The following GALNT13 variants were observed in gnomAD, a reference collection of about 807,000 sequenced individuals.
GALNT13 encodes UDP-GalNAc:polypeptide N-acetylgalactosaminyltransferase 13.
A neutral mutation model predicts 64.2 loss-of-function variants in GALNT13; 28 were observed. The observed-to-expected ratio is 0.44, with a 90% CI of 0.32 to 0.60. The LOEUF is 0.60. GALNT13 is among the 20% of genes least tolerant of loss of function. The pLI, the probability that GALNT13 is intolerant of heterozygous loss-of-function variation, is 0.05. For missense variants in GALNT13, 577 were observed against 669.8 expected, an observed-to-expected ratio of 0.86 and a Z score of 1.53; for synonymous variants, 214 against 224.6, an observed-to-expected ratio of 0.95 and a Z score of 0.42.
intron 3 of GALNT13, among the ~76,000 whole-genome samples, chr2:153,966,769 A>G (rs950096013): frequency 2.0e-5 from 3 of 151,322 alleles, no homozygotes; most frequent in East Asian, 1.9e-4. Context: ...TTGTTGTTCT[A>G]CCTGGTTATT....
At chr2:153,242,978 C>A in the GALNT13 span, among the ~76,000 whole-genome samples, 1 of 152,094 alleles carries the variant, frequency 6.6e-6, no homozygotes, top group Non-Finnish European at 1.5e-5. Context: ...AATTACTTTG[C>A]GTTATGGGAG....
At chr2:153,315,778 A>G in the GALNT13 span, among the ~76,000 whole-genome samples, 1 of 152,212 alleles carries the variant, frequency 6.6e-6, no homozygotes, top group Non-Finnish European at 1.5e-5. Flanking sequence ...AAGATTGGTC[A>G]TAAAACAAGT....
At chr2:153,902,992 T>C (rs1329577281) in intron 2 of GALNT13, among the ~76,000 whole-genome samples, 3 of 152,038 alleles carry the variant, frequency 2.0e-5, no homozygotes, top group African/African-American at 7.2e-5. Context: ...TTGCCAATAA[T>C]CAGAGAAACA....
intron 3 of GALNT13, among the ~76,000 whole-genome samples, chr2:153,996,084 T>A (rs759410077): frequency 2.6e-5 from 4 of 152,168 alleles, no homozygotes; most frequent in Admixed American, 1.3e-4. Flanking sequence ...GGTTGATGGA[T>A]GCTTAAATTG....
At chr2:153,337,868 T>C in the GALNT13 span, 1 of 152,158 alleles carries the variant, frequency 6.6e-6, no homozygotes, top group Admixed American at 6.5e-5. Context: ...TCTAATCTAA[T>C]AAAATAATTA....
chr2:153,562,098 GTGTGTGTGGTGTA>G, the GALNT13 span, among the ~76,000 whole-genome samples: 1 of 136,856 alleles, frequency 7.3e-6, no homozygotes, highest in Non-Finnish European at 1.6e-5. Flanking sequence ...GTGTGTGTGT[GTGTGTGTGGTGTA>G]GGCATGTGGG....
chr2:154,199,563 A>G (rs982768417), intron 4 of GALNT13, among the ~76,000 whole-genome samples: 2 of 152,016 alleles, frequency 1.3e-5, no homozygotes, highest in Non-Finnish European at 2.9e-5. Flanking sequence ...TACTTCCAAG[A>G]CAAGGTGGTT....
chr2:153,613,069 A>T, the GALNT13 span, among the ~76,000 whole-genome samples: 2 of 152,098 alleles, frequency 1.3e-5, no homozygotes, highest in Non-Finnish European at 2.9e-5. Flanking sequence ...TAAATTCCTC[A>T]TTATTCATGT....
intron 3 of GALNT13, among the ~76,000 whole-genome samples, chr2:154,033,463 A>C (rs1221956725): frequency 6.6e-6 from 1 of 152,074 alleles, no homozygotes; most frequent in Admixed American, 6.6e-5. Context: ...CATACAACTC[A>C]ATAATAATTA....
the GALNT13 span, among the ~76,000 whole-genome samples, chr2:153,686,849 AATGG>A: frequency 6.6e-6 from 1 of 152,088 alleles, no homozygotes. Flanking sequence ...TTTTAGCATG[AATGG>A]ATGTTCAATT....
the GALNT13 span, among the ~76,000 whole-genome samples, chr2:153,803,696 A>AT: frequency 6.7e-6 from 1 of 150,264 alleles, no homozygotes; most frequent in Admixed American, 6.6e-5. Context: ...TGTCTCAAAA[A>AT]AAAAAAAAAA....
At chr2:154,359,924 G>A (rs758733473) in intron 9 of GALNT13, among the ~76,000 whole-genome samples, 1 of 152,056 alleles carries the variant, frequency 6.6e-6, no homozygotes, top group Non-Finnish European at 1.5e-5. Flanking sequence ...AAGGCAATCT[G>A]TTAAGGTAGA....
At chr2:153,520,581 G>T in the GALNT13 span, among the ~76,000 whole-genome samples, 1 of 152,092 alleles carries the variant, frequency 6.6e-6, no homozygotes, top group Non-Finnish European at 1.5e-5. Context: ...CTCATCAGAG[G>T]TTCCCATGGA....
chr2:153,241,134 T>C, the GALNT13 span, among the ~76,000 whole-genome samples: 1 of 152,064 alleles, frequency 6.6e-6, no homozygotes, highest in Non-Finnish European at 1.5e-5. Flanking sequence ...AAGGAATTGC[T>C]GATGGAAGTC....
At chr2:153,400,305 T>A in the GALNT13 span, among the ~76,000 whole-genome samples, 5 of 152,202 alleles carry the variant, frequency 3.3e-5, no homozygotes, top group Non-Finnish European at 1.5e-5. Flanking sequence ...AGCTTTTTGA[T>A]GTGCTGCTGG....
intron 11 of GALNT13, among the ~76,000 whole-genome samples, chr2:154,423,588 G>A (rs1700347472): frequency 6.6e-6 from 1 of 152,144 alleles, no homozygotes. Context: ...TTTTTTAAAT[G>A]TATGAATCTT....
intron 12 of GALNT13, among the ~76,000 whole-genome samples, chr2:154,439,696 T>C (rs186016353): frequency 8.6e-4 from 131 of 152,310 alleles, no homozygotes; most frequent in Middle Eastern, 3.4e-3. Flanking sequence ...GTCGTTTTAA[T>C]ATTTGCATGA....
At chr2:153,741,365 T>C in the GALNT13 span, among the ~76,000 whole-genome samples, 4 of 152,074 alleles carry the variant, frequency 2.6e-5, no homozygotes, top group African/African-American at 9.6e-5. Flanking sequence ...TTCATATCTG[T>C]CTTTTCCTCT....
chr2:153,247,058 A>G, the GALNT13 span, among the ~76,000 whole-genome samples: 1 of 152,228 alleles, frequency 6.6e-6, no homozygotes, highest in South Asian at 2.1e-4. Flanking sequence ...AAAGCATTAC[A>G]TAATAGTAAA....
Sources: gnomAD v4.1 joint callset for allele counts (sites outside exome capture counted in the v4.1 genomes callset) on GRCh38, gnomAD v4.1.1 for gene constraint, MANE v1.5 for transcripts, NCBI Gene and HGNC (gene_info 2026-07-23, HGNC 2026-07-21) for gene names.